SDK1: variants seen among roughly 807,000 people sequenced by gnomAD.
SDK1 encodes the protein sidekick cell adhesion molecule 1.
SDK1 carries 157 observed loss-of-function variants against 245.5 expected under a neutral mutation model. That is an observed-to-expected ratio of 0.64 (90% CI 0.56 to 0.73). The LOEUF is 0.73. SDK1 is among the 30% of genes least tolerant of loss of function. SDK1 has a pLI of 0.00. For synonymous variants in SDK1, 1,647 were observed against 1,278.5 expected, an observed-to-expected ratio of 1.29 and a Z score of -6.15; for missense variants, 3,583 against 3,002.3, an observed-to-expected ratio of 1.19 and a Z score of -4.52.
intron 1 of SDK1, among the ~76,000 whole-genome samples, chr7:3,439,372 C>G (rs368698862): frequency 6.6e-6 from 1 of 152,180 alleles, no homozygotes; most frequent in African/African-American, 2.4e-5. Flanking sequence ...GCTCCGGATG[C>G]AGCTGTTCCT....
At chr7:3,470,875 A>C (rs141434827) in intron 1 of SDK1, among the ~76,000 whole-genome samples, 1 of 152,296 alleles carries the variant, frequency 6.6e-6, no homozygotes, top group East Asian at 1.9e-4. Context: ...ACCTTGTATT[A>C]TGTGCTTAAG....
intron 17 of SDK1, among the ~76,000 whole-genome samples, chr7:4,030,610 C>T (rs1481025944): frequency 2.0e-5 from 3 of 152,206 alleles, no homozygotes; most frequent in Non-Finnish European, 2.9e-5. Context: ...GCTTTTCATA[C>T]GCGCCTTGGT....
intron 25 of SDK1, among the ~76,000 whole-genome samples, chr7:4,126,854 T>C (rs764415620): frequency 1.3e-5 from 2 of 152,228 alleles, no homozygotes; most frequent in African/African-American, 2.4e-5. Context: ...TAACGATACC[T>C]ACTTCATTGG....
chr7:3,614,871 G>A (rs1781719199), intron 1 of SDK1, among the ~76,000 whole-genome samples: 4 of 143,874 alleles, frequency 2.8e-5, no homozygotes, highest in Admixed American at 1.4e-4. Flanking sequence ...TTTGGATCTC[G>A]AGATATTTGC....
chr7:3,562,143 G>A (rs1322357756), intron 1 of SDK1, among the ~76,000 whole-genome samples: 1 of 152,168 alleles, frequency 6.6e-6, no homozygotes, highest in South Asian at 2.1e-4. Flanking sequence ...ATAGAACTTG[G>A]ATGTTTCGGA....
At chr7:3,622,347 G>A (rs1781967706) in intron 2 of SDK1, among the ~76,000 whole-genome samples, 1 of 152,080 alleles carries the variant, frequency 6.6e-6, no homozygotes, top group Non-Finnish European at 1.5e-5. Context: ...CAGGCATGGT[G>A]GCGCATGCCT....
intron 5 of SDK1, among the ~76,000 whole-genome samples, chr7:3,840,861 G>T (rs1188486062): frequency 6.6e-6 from 1 of 152,192 alleles, no homozygotes; most frequent in African/African-American, 2.4e-5. Flanking sequence ...TCTGGGAGTG[G>T]GGTCCAGGAA....
chr7:3,987,124 G>A (rs1783914597), intron 13 of SDK1, 62 bp from the exon 14 acceptor site: 1 of 1,577,318 alleles, frequency 6.3e-7, no homozygotes, highest in Non-Finnish European at 8.7e-7. Context: ...TAAGAGCTCA[G>A]GCTCACCATG....
chr7:3,615,856 C>A (rs1422010132), intron 1 of SDK1, among the ~76,000 whole-genome samples: 2 of 143,574 alleles, frequency 1.4e-5, no homozygotes, highest in African/African-American at 2.5e-5. Context: ...AATCACACAA[C>A]CTCTTCAAAG....
intron 1 of SDK1, among the ~76,000 whole-genome samples, chr7:3,480,353 AT>A (rs1781477172): frequency 3.9e-5 from 6 of 152,180 alleles, no homozygotes; most frequent in African/African-American, 1.4e-4. Flanking sequence ...TCGTGCACAT[AT>A]GCTCATGTAG....
intron 36 of SDK1, among the ~76,000 whole-genome samples, chr7:4,206,400 C>A (rs891874808): frequency 1.3e-5 from 2 of 152,202 alleles, no homozygotes; most frequent in Admixed American, 1.3e-4. Flanking sequence ...CATCCCAGCT[C>A]CCCCCTTGGT....
At chr7:3,310,445 G>T (rs1779523524) in intron 1 of SDK1, among the ~76,000 whole-genome samples, 1 of 152,200 alleles carries the variant, frequency 6.6e-6, no homozygotes, top group Admixed American at 6.5e-5. Flanking sequence ...GAGATGGAGA[G>T]AGGTAGATGC....
At chr7:3,919,405 C>T (rs1397306705) in intron 5 of SDK1, among the ~76,000 whole-genome samples, 1 of 152,220 alleles carries the variant, frequency 6.6e-6, no homozygotes, top group Admixed American at 6.5e-5. Flanking sequence ...GCAGGTCAGG[C>T]ATCAGAAAAG....
intron 4 of SDK1, among the ~76,000 whole-genome samples, chr7:3,678,051 C>T (rs913208733): frequency 3.3e-5 from 5 of 152,178 alleles, no homozygotes; most frequent in African/African-American, 1.2e-4. Flanking sequence ...CACAGCAGGT[C>T]ATGACATTAA....
chr7:4,093,954 G>A lies in SDK1; in HGVS notation c.3324+14370G>A, dbSNP rs111492000. ...AGAGGTGAATCCTGGGGAAAATGTC[G>A]TCTCAGCAGATGAGTGTATCTGCTT... On this transcript the variant is annotated intron_variant, in intron 22 of 44. Transcript: ENST00000404826. Among the ~76,000 whole-genome samples the A allele has an allele frequency of 9.5e-3, 1,439 of 152,268 alleles. 32 individuals carry two copies. Among genetic ancestry groups the A allele is most frequent in the African/African-American group, 0.032 (1,322 of 41,536 alleles).
At chr7:3,705,762 C>T (rs1307500114) in intron 4 of SDK1, among the ~76,000 whole-genome samples, 4 of 151,710 alleles carry the variant, frequency 2.6e-5, no homozygotes, top group African/African-American at 9.7e-5. Flanking sequence ...TTTTATCTTG[C>T]CTGATTCCTC....
intron 1 of SDK1, among the ~76,000 whole-genome samples, chr7:3,551,631 C>G (rs981029541): frequency 4.6e-5 from 7 of 151,636 alleles, no homozygotes; most frequent in African/African-American, 1.5e-4. Flanking sequence ...ATTTGGCTGA[C>G]CTTAGTTTCC....
chr7:3,445,345 C>A (rs1780312461), intron 1 of SDK1, among the ~76,000 whole-genome samples: 2 of 151,994 alleles, frequency 1.3e-5, no homozygotes, highest in Non-Finnish European at 2.9e-5. Context: ...TTAAAGAAAA[C>A]AGAATTTACT....
intron 4 of SDK1, among the ~76,000 whole-genome samples, chr7:3,687,778 C>T (rs185767597): frequency 6.6e-5 from 10 of 152,256 alleles, no homozygotes; most frequent in African/African-American, 2.4e-4. Flanking sequence ...GAGGTCCTTG[C>T]GGTGATGGAA....
Sources: gnomAD v4.1 joint callset for allele counts (sites outside exome capture counted in the v4.1 genomes callset) on GRCh38, gnomAD v4.1.1 for gene constraint, MANE v1.5 for transcripts, NCBI Gene and HGNC (gene_info 2026-07-23, HGNC 2026-07-21) for gene names.